OPA1: variants seen among roughly 807,000 people sequenced by gnomAD.
The protein encoded by OPA1 is OPA1 mitochondrial dynamin like GTPase.
A neutral mutation model predicts 152.9 loss-of-function variants in OPA1; 59 were observed. The observed-to-expected ratio is 0.39, with a 90% CI of 0.31 to 0.48. The LOEUF is 0.48. OPA1 is among the 20% of genes least tolerant of loss of function. The pLI, the probability that OPA1 is intolerant of heterozygous loss-of-function variation, is 0.96. For synonymous variants in OPA1, 400 were observed against 389.9 expected, an observed-to-expected ratio of 1.03 and a Z score of -0.31; for missense variants, 1,008 against 1,216.8, an observed-to-expected ratio of 0.83 and a Z score of 2.55.
intron 29 of OPA1, chr3:193,691,560 A>G (rs1359029735): frequency 6.6e-6 from 1 of 152,566 alleles, no homozygotes; most frequent in Non-Finnish European, 1.5e-5. Flanking sequence ...AAATAAAAGT[A>G]TACATTTCAA....
At chr3:193,655,363 G>A (rs1713542250) in intron 22 of OPA1, among the ~76,000 whole-genome samples, 1 of 152,144 alleles carries the variant, frequency 6.6e-6, no homozygotes, top group African/African-American at 2.4e-5. Context: ...TGTGGATTCT[G>A]TGGATTATAG....
Position 193,630,872 on chromosome 3 carries a change from T to C in OPA1, c.790-740T>C, listed in dbSNP as rs376389907. Among the ~76,000 whole-genome samples, 4 of 152,340 alleles carry C rather than the reference T, an allele frequency of 2.6e-5. No individual in the cohort carries two copies. In the East Asian group the frequency reaches 5.8e-4, roughly 22 times the overall value. The stretch of plus-strand genomic sequence containing the variant: ...AAAATTGTTTTTTAATATTTTATTT[T>C]AGAATTATTAGCATTAATAACAATT... On this transcript the variant is annotated intron_variant, in intron 7 of 30. Coordinates refer to ENST00000361510, the MANE Select transcript of OPA1 (RefSeq NM_130837.3).
chr3:193,635,211 A>G (rs1732748910), intron 8 of OPA1, among the ~76,000 whole-genome samples: 1 of 152,152 alleles, frequency 6.6e-6, no homozygotes, highest in Non-Finnish European at 1.5e-5. Context: ...CTTAATTATG[A>G]TAGAAAATTA....
chr3:193,662,989 A>G (rs757223742), intron 26 of OPA1, 27 bp downstream of exon 26: 7 of 1,607,136 alleles, frequency 4.4e-6, no homozygotes, highest in Non-Finnish European at 6.0e-6. Flanking sequence ...AGAAGCAGGA[A>G]TCTGCTTCCT....
intron 29 of OPA1, among the ~76,000 whole-genome samples, chr3:193,679,992 G>A (rs1719872964): frequency 6.6e-6 from 1 of 152,102 alleles, no homozygotes; most frequent in African/African-American, 2.4e-5. Flanking sequence ...GTGATAAACC[G>A]AGAACTTCTG....
At chr3:193,675,327 GAAAA>G (rs988338349) in intron 29 of OPA1, among the ~76,000 whole-genome samples, 19 of 63,396 alleles carry the variant, frequency 3.0e-4, no homozygotes, top group African/African-American at 6.1e-4. Context: ...TTTTTTTTAA[GAAAA>G]AAAAAAAAAA....
chr3:193,617,928 A>G, intron 5 of OPA1, 91 bp downstream of exon 5: 1 of 848,822 alleles, frequency 1.2e-6, no homozygotes, highest in East Asian at 2.5e-5. Context: ...CCAAATTTAT[A>G]ATGCTGCTTA....
intron 30 of OPA1, among the ~76,000 whole-genome samples, chr3:193,692,802 G>A (rs1721858753): frequency 6.6e-6 from 1 of 152,182 alleles, no homozygotes; most frequent in African/African-American, 2.4e-5. Flanking sequence ...TGCCACCCAG[G>A]CTGGAGTGCA....
chr3:193,687,038 G>A (rs896697671), intron 29 of OPA1, among the ~76,000 whole-genome samples: 19 of 152,126 alleles, frequency 1.2e-4, no homozygotes, highest in African/African-American at 3.6e-4. Context: ...ACCTTCTCCC[G>A]GGTTTGGCCT....
chr3:193,626,052 T>C, intron 6 of OPA1, 40 bp from the exon 7 acceptor site: 2 of 1,456,898 alleles, frequency 1.4e-6, no homozygotes, highest in Non-Finnish European at 1.9e-6. Context: ...ATTATTCTCC[T>C]CCCCAATTTC....
chr3:193,644,742 G>A (rs1734285349), intron 16 of OPA1, among the ~76,000 whole-genome samples: 1 of 152,124 alleles, frequency 6.6e-6, no homozygotes, highest in Non-Finnish European at 1.5e-5. Flanking sequence ...AATTTCTGTG[G>A]CCTCCTCCCC....
At chr3:193,670,768 C>T (rs1178771373) in intron 29 of OPA1, among the ~76,000 whole-genome samples, 3 of 152,042 alleles carry the variant, frequency 2.0e-5, no homozygotes, top group Admixed American at 6.5e-5. Context: ...AACCATAAAG[C>T]TAGAGTTAGG....
intron 6 of OPA1, 127 bp downstream of exon 6, chr3:193,619,063 C>T (rs574576946): frequency 1.3e-5 from 10 of 757,186 alleles, no homozygotes; most frequent in African/African-American, 5.2e-5. Context: ...GTAGAGATAT[C>T]GTTACTAATC....
At chr3:193,629,805 T>C (rs1465600723) in intron 7 of OPA1, among the ~76,000 whole-genome samples, 1 of 152,264 alleles carries the variant, frequency 6.6e-6, no homozygotes, top group Non-Finnish European at 1.5e-5. Flanking sequence ...CTTTTTTGTT[T>C]AATTGTATTA....
intron 6 of OPA1, among the ~76,000 whole-genome samples, chr3:193,622,833 G>A (rs1239906670): frequency 1.3e-5 from 2 of 152,142 alleles, no homozygotes; most frequent in South Asian, 2.1e-4. Context: ...ATTTAACTCG[G>A]TAGAGTAGAG....
At chr3:193,606,885 A>G (rs953399965) in intron 1 of OPA1, among the ~76,000 whole-genome samples, 1 of 152,300 alleles carries the variant, frequency 6.6e-6, no homozygotes, top group African/African-American at 2.4e-5. Context: ...TCCCACCAAC[A>G]GTGTAAAAGT....
At chr3:193,617,422 A>C in intron 4 of OPA1, 137 bp downstream of exon 4, 1 of 658,030 alleles carries the variant, frequency 1.5e-6, no homozygotes, top group Non-Finnish European at 2.7e-6. Flanking sequence ...TTTTAAAAAG[A>C]TAAACACAAA....
chr3:193,617,764 C>T lies in OPA1; in HGVS notation c.557-20C>T. The T allele has an allele frequency of 6.3e-7, 1 of 1,591,178 alleles. No homozygotes were observed. Among genetic ancestry groups the T allele is most frequent in the Non-Finnish European group, 8.6e-7 (1 of 1,159,534 alleles). On this transcript the variant is annotated intron_variant, in intron 4 of 30. Coordinates refer to ENST00000361510, the MANE Select transcript of OPA1 (RefSeq NM_130837.3). Reference sequence around the variant, plus strand: ...GTTAAATTTTACATTTCTATTTCCCCTTTTGCTGATTTTTCACAGGTCACA... The same window carrying T: ...GTTAAATTTTACATTTCTATTTCCCTTTTTGCTGATTTTTCACAGGTCACA...
At chr3:193,642,873 T>C (rs1363756086) in intron 12 of OPA1, 28 bp downstream of exon 12, 2 of 1,567,520 alleles carry the variant, frequency 1.3e-6, no homozygotes, top group South Asian at 1.1e-5. Flanking sequence ...AAGGTTGATA[T>C]GTGTAATTTT....
Sources: allele counts gnomAD v4.1 joint callset (sites outside exome capture counted in the v4.1 genomes callset), GRCh38; gene constraint gnomAD v4.1.1; transcripts MANE v1.5; gene names NCBI Gene and HGNC (gene_info 2026-07-23, HGNC 2026-07-21).